FLAD1: variants seen among roughly 807,000 people sequenced by gnomAD.
The protein encoded by FLAD1 is flavin adenine dinucleotide synthetase 1.
Under a neutral mutation model 55.0 loss-of-function variants are expected in FLAD1, and 35 were observed. That is an observed-to-expected ratio of 0.64 (90% CI 0.49 to 0.84). The LOEUF is 0.84. Ranked by LOEUF, FLAD1 falls within the 40% of genes least tolerant of loss-of-function variation. The probability of loss-of-function intolerance (pLI) is 0.00; values close to 1 mark genes in which losing one functional copy is unlikely to be tolerated. For synonymous variants in FLAD1, 267 were observed against 303.0 expected (o/e 0.88, Z 1.23); for missense variants, 665 against 742.6 (o/e 0.90, Z 1.21).
At chr1:154,985,627 G>A (rs1472384104) in intron 1 of FLAD1, among the ~76,000 whole-genome samples, 4 of 150,260 alleles carry the variant, frequency 2.7e-5, no homozygotes, top group Admixed American at 6.6e-5. Flanking sequence ...GGCTGGTCTC[G>A]AACTCCTGAC....
intron 1 of FLAD1, 132 bp downstream of exon 1, chr1:154,984,198 C>A: frequency 1.4e-6 from 1 of 738,400 alleles, no homozygotes; most frequent in Non-Finnish European, 1.9e-6. Context: ...TGGAGTGAAT[C>A]CAGCATATTG....
intron 3 of FLAD1, 65 bp from the exon 4 acceptor site, chr1:154,990,094 G>A (rs1455600889): frequency 3.9e-6 from 5 of 1,286,484 alleles, no homozygotes; most frequent in South Asian, 1.2e-5. Context: ...AGAACAGTGA[G>A]CTGTTTCAGG....
rs143696046 is a variant in FLAD1 at position 154,983,504 on chromosome 1, G to A, written c.-191G>A. On this transcript the variant is annotated 5_prime_UTR_variant, in exon 1 of 7. Transcript: ENST00000292180. ...GTAGAAAGAGACGGGATTTTGGTCC[G>A]GGGTGGAGAGCGAATGCATTGAAAA... The A allele has an allele frequency of 1.5e-5, 8 of 524,972 alleles. No homozygotes were observed. The highest frequency in any genetic ancestry group is 9.5e-5 in the African/African-American group (5 of 52,650). The allele number at this position is 524,972 out of a possible 1,614,324, so 32.5% of individuals were successfully genotyped here. A position where few individuals can be genotyped will look rare whatever the true frequency, so the allele number is the denominator to read the frequency against.
Position 154,984,033 on chromosome 1 carries a change from T to A in FLAD1, c.339T>A (p.Ala113=), listed in dbSNP as rs1044204334. The A allele has an allele frequency of 2.0e-6, 3 of 1,512,818 alleles. No homozygotes were observed. The highest frequency in any genetic ancestry group is 2.7e-6 in the Non-Finnish European group (3 of 1,130,480). 93.7% of individuals were successfully genotyped at this position (1,512,818 alleles called of 1,614,324 possible). The change falls in exon 1 of 7, where the codon GCT becomes GCA. Residue 113 remains alanine (A), a synonymous_variant. Transcript: ENST00000292180. ...TTTCTCCGGGGCGCAGCGTGACGGC[T>A]GGCATCATCATTGTTGGAGATGAGA... ...SELSPGRSVT[A]GIIIVGDEIL...
intron 3 of FLAD1, among the ~76,000 whole-genome samples, 179 bp from the exon 4 acceptor site, chr1:154,989,980 G>C (rs1417154362): frequency 6.6e-6 from 1 of 152,176 alleles, no homozygotes; most frequent in Non-Finnish European, 1.5e-5. Flanking sequence ...GCTTAGATTT[G>C]AGAGGTGAAA....
rs962912908 is a variant in FLAD1 at position 154,992,473 on chromosome 1, T to A, written c.1555-240T>A. 5.1e-4 allele frequency: 601 copies of A among 1,170,970 alleles called. 2 individuals carry two copies. Among genetic ancestry groups the A allele is most frequent in the African/African-American group, 1.4e-4 (9 of 64,364 alleles). The allele number at this position is 1,170,970 out of a possible 1,614,324, so 72.5% of individuals were successfully genotyped here. ...AAAAATAGACGGTTTCTCCCTGTCCTCAAGCTCCACCCTTGCACTAGAGGG... is the reference window on the plus strand; with the variant it reads ...AAAAATAGACGGTTTCTCCCTGTCCACAAGCTCCACCCTTGCACTAGAGGG... On this transcript the variant is annotated intron_variant, in intron 5 of 6. Coordinates refer to ENST00000292180, the MANE Select transcript of FLAD1 (RefSeq NM_025207.5).
At chr1:154,984,710 A>G (rs1351641588) in intron 1 of FLAD1, among the ~76,000 whole-genome samples, 1 of 117,078 alleles carries the variant, frequency 8.5e-6, no homozygotes, top group East Asian at 2.0e-4. Context: ...CTCCGTCTCA[A>G]AAAAAAAAAA....
intron 1 of FLAD1, among the ~76,000 whole-genome samples, chr1:154,986,019 CTG>C (rs57098553): frequency 0.38 from 54,119 of 142,746 alleles, 10,347 homozygotes; most frequent in African/African-American, 0.48. Flanking sequence ...CTGCGCCCGG[CTG>C]TGTGTGTGTG....
chr1:154,987,806 C>T, intron 1 of FLAD1: 1 of 608,806 alleles, frequency 1.6e-6, no homozygotes, highest in Non-Finnish European at 2.7e-6. Flanking sequence ...AATGTGGTGG[C>T]ACGCGCCTGT....
At chr1:154,984,480 G>T (rs1436649237) in intron 1 of FLAD1, among the ~76,000 whole-genome samples, 1 of 151,974 alleles carries the variant, frequency 6.6e-6, no homozygotes, top group South Asian at 2.1e-4. Context: ...TTGGGAGGCC[G>T]AGGCGGGTGG....
At chr1:154,988,875 T>C in intron 2 of FLAD1, 26 bp downstream of exon 2, 1 of 1,613,610 alleles carries the variant, frequency 6.2e-7, no homozygotes, top group Non-Finnish European at 8.5e-7. Flanking sequence ...AGGAGGGGCA[T>C]TATGCCCAAA....
intron 5 of FLAD1, among the ~76,000 whole-genome samples, chr1:154,992,075 G>C (rs1192897479): frequency 1.3e-5 from 2 of 148,992 alleles, no homozygotes; most frequent in African/African-American, 5.0e-5. Flanking sequence ...TCTGGGAAGC[G>C]GAGGTTGCAG....
chr1:154,992,438 G>A (rs1175839629), intron 5 of FLAD1: 24 of 838,512 alleles, frequency 2.9e-5, no homozygotes, highest in East Asian at 2.7e-4. Context: ...GCCAGACTCC[G>A]TCTCAAAAAA....
At chr1:154,988,021 A>C in intron 1 of FLAD1, 84 bp from the exon 2 acceptor site, 1 of 1,608,358 alleles carries the variant, frequency 6.2e-7, no homozygotes, top group African/African-American at 1.3e-5. Flanking sequence ...GCACTGCATC[A>C]TCAGGTGGAT....
Position 154,989,713 on chromosome 1 carries a change from C to T in FLAD1, c.1265+6C>T, listed in dbSNP as rs1373408785. On this transcript the variant is annotated splice_donor_region_variant and intron_variant, in intron 3 of 6. Transcript: ENST00000292180. The stretch of plus-strand genomic sequence containing the variant: ...TTCCATGCAGCTGTGCAGAGGTGAG[C>T]CTGCCCCCGGGAGACAAGACCCCTG... 2.0e-6 allele frequency: 3 copies of T among 1,503,846 alleles called. No individual in the cohort carries two copies. The highest frequency in any genetic ancestry group is 2.8e-5 in the African/African-American group (2 of 71,268). The allele number at this position is 1,503,846 out of a possible 1,614,324, so 93.2% of individuals were successfully genotyped here.
Position 154,989,552 on chromosome 1 carries a change from C to G in FLAD1, c.1118-8C>G, listed in dbSNP as rs1462499739. 6.4e-7 allele frequency: 1 copy of G among 1,555,932 alleles called. No homozygotes were observed. On this transcript the variant is annotated splice_region_variant and splice_polypyrimidine_tract_variant and intron_variant, in intron 2 of 6. Transcript: ENST00000292180. ...CATCTGATGCCCTCTTCCCTGCCTG[C>G]TTGGCAGGGTCTTCTTTGGGGAAAA...
chr1:154,984,086 G>T lies in FLAD1; in HGVS notation c.372+20G>T. ...CTTAAGGTGTGTCTGGGACAGAAAA[G>T]GGGGGAGGGCGCTGCGTTCTCCTGT... On this transcript the variant is annotated intron_variant, in intron 1 of 6. Coordinates refer to ENST00000292180, the MANE Select transcript of FLAD1 (RefSeq NM_025207.5). The T allele has an allele frequency of 1.3e-6, 2 of 1,481,518 alleles. No homozygotes were observed. The highest frequency in any genetic ancestry group is 1.8e-6 in the Non-Finnish European group (2 of 1,112,796). The allele number at this position is 1,481,518 out of a possible 1,614,324, so 91.8% of individuals were successfully genotyped here.
Position 154,992,936 on chromosome 1 carries a change from C to T in FLAD1, c.1663C>T (p.Arg555Trp), listed in dbSNP as rs777733690. 6.8e-6 allele frequency: 11 copies of T among 1,613,824 alleles called. 1 individual carries two copies. Among genetic ancestry groups the T allele is most frequent in the South Asian group, 6.6e-5 (6 of 91,070 alleles). Residue 555 changes from arginine (R) to tryptophan (W), a missense_variant, in exon 7 of 7, where the codon CGG (arginine) becomes TGG (tryptophan). By Grantham distance (101) the Arg-to-Trp change is moderately radical (BLOSUM62 -3). Transcript: ENST00000292180. The part of the protein sequence containing the change: ...TSLGSRENTV[R>W]NPALKCLSPG... ...ACTGGGGAGTCGGGAGAATACCGTG[C>T]GGAACCCGGCCCTGAAGTGCCTGAG...
intron 1 of FLAD1, among the ~76,000 whole-genome samples, chr1:154,987,061 C>G (rs950491702): frequency 6.6e-5 from 10 of 150,904 alleles, no homozygotes; most frequent in African/African-American, 2.4e-4. Context: ...TGACAGGGTC[C>G]CTGTCACCCA....
Sources: allele counts gnomAD v4.1 joint callset (sites outside exome capture counted in the v4.1 genomes callset), GRCh38; gene constraint gnomAD v4.1.1; transcripts MANE v1.5; gene names NCBI Gene and HGNC (gene_info 2026-07-23, HGNC 2026-07-21).